Variants in TTN observed in about 807,000 individuals in gnomAD.
TTN encodes titin.
In TTN, 1,525 loss-of-function variants were observed where a neutral mutation model predicts 3,223.0. That is an observed-to-expected ratio of 0.47 (90% CI 0.45 to 0.49). The LOEUF is 0.49. Ranked by LOEUF, TTN falls within the 20% of genes least tolerant of loss-of-function variation. The pLI, the probability that TTN is intolerant of heterozygous loss-of-function variation, is 0.00. For synonymous variants in TTN, 14,094 were observed against 15,161.0 expected (o/e 0.93, Z 5.17); for missense variants, 40,786 against 43,424.0 (o/e 0.94, Z 5.40).
At chr2:178,646,351 G>A (rs1344799763) in intron 216 of TTN, 134 bp downstream of exon 216, 2 of 532,560 alleles carry the variant, frequency 3.8e-6, no homozygotes, top group Non-Finnish European at 6.3e-6. Context: ...TAAGAATGAG[G>A]CTCACATTTA....
intron 18 of TTN, 89 bp from the exon 19 acceptor site, chr2:178,782,691 C>T (rs1464964264): frequency 3.1e-6 from 5 of 1,604,034 alleles, no homozygotes; most frequent in Admixed American, 1.7e-5. Context: ...ATAATCTCCC[C>T]CCAAGTTCCA....
At chr2:178,699,260 AAT>A (rs1271323601) in intron 111 of TTN, among the ~76,000 whole-genome samples, 1 of 152,056 alleles carries the variant, frequency 6.6e-6, no homozygotes, top group Non-Finnish European at 1.5e-5. Flanking sequence ...GACGAACACA[AAT>A]ATGTTAGGAG....
intron 16 of TTN, 59 bp from the exon 17 acceptor site, chr2:178,783,844 C>T (rs934904555): frequency 7.1e-5 from 99 of 1,394,550 alleles, no homozygotes; most frequent in Non-Finnish European, 9.6e-5. Context: ...ATCTCATAAA[C>T]TCTTAGCTCA....
rs531598218 is a variant in TTN, at chr2:178,701,556, G to T, written c.30570C>A (p.Thr10190=). 3 of 1,613,682 alleles carry T rather than the reference G, an allele frequency of 1.9e-6. No individual in the cohort carries two copies. The highest frequency in any genetic ancestry group is 4.5e-5 in the East Asian group (2 of 44,854). Residue 10190 remains threonine, a synonymous_variant, in exon 110 of 363, where the codon ACC becomes ACA. Coordinates refer to ENST00000589042, the MANE Select transcript of TTN (RefSeq NM_001267550.2). ...DIPDSRVPIP[T]MPIRAVPPEE... ...CTGGTGGCACTGCTCTGATAGGCAT[G>T]GTTGGGATTGGAACTCTGGAGTCAG...
chr2:178,756,626 G>A lies in TTN; in HGVS notation c.10850C>T (p.Ser3617Phe), dbSNP rs57389274. The A allele has an allele frequency of 3.1e-3, 5,013 of 1,613,678 alleles. 146 individuals are homozygous for A. The African/African-American group carries it at 0.06, about 19-fold the overall frequency. Reference protein sequence around the residue: ...EYEVQVFESVSQSSIHTAASV... With the variant: ...EYEVQVFESVFQSSIHTAASV... The stretch of plus-strand genomic sequence containing the variant: ...TGCAGCTGTGTGGATGGAACTTTGA[G>A]ATACACTTTCAAAAACCTGCACTTC... The change falls in exon 46 of 363, where the codon TCT becomes TTT. Residue 3617 changes from serine (S) to phenylalanine (F), a missense_variant. Transcript: ENST00000589042.
rs776163304 is a variant in TTN at position 178,682,715 on chromosome 2, G to T, written c.33076C>A (p.His11026Asn). The change falls in exon 135 of 363, where the codon CAT (histidine) becomes AAT (asparagine). Residue 11026 changes from histidine to asparagine, a missense_variant. Transcript: ENST00000589042. ...EEREYERYEEHEEYITEPEKP... is the reference protein window; with the variant it reads ...EEREYERYEENEEYITEPEKP... ...CTCATACCTGTGATGTATTCTTCAT[G>T]CTCTTCATATCGTTCATACTCCCGC... The T allele has an allele frequency of 3.2e-5, 51 of 1,611,722 alleles. No individual in the cohort carries two copies. The highest frequency in any genetic ancestry group is 4.2e-5 in the Non-Finnish European group (49 of 1,178,878).
At chr2:178,745,682 A>T (rs754391244) in intron 47 of TTN, 1 of 1,611,938 alleles carries the variant, frequency 6.2e-7, no homozygotes. Context: ...TAAGCTTGTT[A>T]TAAACAGGTT....
At position 178,636,777 on chromosome 2, in the gene TTN, T is replaced by C. The variant is rs778416722; in HGVS notation, c.40950A>G (p.Ser13650=). Residue 13650 remains serine (S), a synonymous_variant, in exon 225 of 363, where the codon TCA becomes TCG. Coordinates refer to ENST00000589042, the MANE Select transcript of TTN (RefSeq NM_001267550.2). The surrounding 1 kb of genome is among the most constrained non-coding windows in gnomAD (Gnocchi z 4.3). The part of the protein sequence containing the change: ...PIKGVPKKTP[S]PIEAERRKLR... The stretch of plus-strand genomic sequence containing the variant: ...ACTTTCTCCTTTCGGCTTCTATTGG[T>C]GAAGGAGTCTTTTTGGGTACACCTA... 2.2e-5 allele frequency: 36 copies of C among 1,600,034 alleles called. 1 individual carries two copies. In the South Asian group the frequency reaches 4.0e-4, roughly 18 times the overall value.
chr2:178,672,596 A>G, intron 153 of TTN, 39 bp downstream of exon 153: 1 of 1,609,818 alleles, frequency 6.2e-7, no homozygotes, highest in Non-Finnish European at 8.5e-7. Flanking sequence ...TAACGAAAAA[A>G]GACAGAAGAG....
Position 178,575,325 on chromosome 2 carries a change from A to G in TTN, c.70807T>C (p.Phe23603Leu). Reference sequence around the variant, plus strand: ...GCGCTGTTCACTGCCATCACTTGGAAGGTATATTCCTCTCCTTCAGTTAGA... The same window carrying G: ...GCGCTGTTCACTGCCATCACTTGGAGGGTATATTCCTCTCCTTCAGTTAGA... ...RNLTEGEEYT[F>L]QVMAVNSAGR... Residue 23603 changes from phenylalanine (F) to leucine (L), a missense_variant, in exon 326 of 363, where the codon TTC (phenylalanine) becomes CTC (leucine). Physicochemically the swap from Phe to Leu is conservative, Grantham distance 22. Transcript: ENST00000589042. This position sits in a 1 kb window ranked among gnomAD's most constrained non-coding sequence, Gnocchi z 4.0. 1 of 1,613,498 alleles carries G rather than the reference A, an allele frequency of 6.2e-7. No homozygotes were observed. Among genetic ancestry groups the G allele is most frequent in the South Asian group, 1.1e-5 (1 of 91,074 alleles).
chr2:178,605,674 C>G lies in TTN; in HGVS notation c.53621G>C (p.Arg17874Thr). 1 of 1,602,158 alleles carries G rather than the reference C, an allele frequency of 6.2e-7. No individual in the cohort carries two copies. Among genetic ancestry groups the G allele is most frequent in the South Asian group, 1.1e-5 (1 of 89,404 alleles). Residue 17874 changes from arginine (R) to threonine (T), a missense_variant, in exon 279 of 363, where the codon AGG becomes ACG. Coordinates refer to ENST00000589042, the MANE Select transcript of TTN (RefSeq NM_001267550.2). ...GTCAAGTGTGATAGTGGACTTTGTC[C>G]TTTCAGTGTATGTGAGCCTCTCTGG... ...TSPERLTYTE[R>T]TKSTITLDWK...
intron 281 of TTN, 134 bp from the exon 282 acceptor site, chr2:178,604,439 A>C (rs1234964632): frequency 3.7e-6 from 3 of 816,280 alleles, no homozygotes; most frequent in Non-Finnish European, 5.2e-6. Flanking sequence ...ACATGGGAAG[A>C]CAGAGAAAAG....
intron 213 of TTN, among the ~76,000 whole-genome samples, chr2:178,647,736 T>A (rs2062242974): frequency 6.6e-6 from 1 of 152,180 alleles, no homozygotes; most frequent in African/African-American, 2.4e-5. Flanking sequence ...GAGTAATTGT[T>A]CCTGCACACT....
intron 311 of TTN, 88 bp downstream of exon 311, chr2:178,584,188 C>T (rs2048409379): frequency 7.0e-7 from 1 of 1,432,084 alleles, no homozygotes; most frequent in Non-Finnish European, 9.4e-7. Context: ...CTCTCTGTGT[C>T]TTGGAGTCCA....
In TTN at chr2:178,558,552, A is replaced by G. The variant is rs139403831; in HGVS notation, c.86907T>C (p.Asp28969=). ...CATAGTGTACAATTCTGCTTCCGCC[A>G]TCATGTTCAGGCTTCAGCCAGGTCA... ...VSLTWLKPEH[D]GGSRIVHYVV... Residue 28969 remains aspartate, a synonymous_variant, in exon 327 of 363, where the codon GAT becomes GAC. Transcript: ENST00000589042. 3.1e-6 allele frequency: 5 copies of G among 1,613,774 alleles called. No individual in the cohort carries two copies. The African/African-American group carries it at 4.0e-5, about 13-fold the overall frequency.
rs911702428 is a variant in TTN at position 178,783,770 on chromosome 2, T to C, written c.2791A>G (p.Arg931Gly). ...GREAKVTETARVPAPVEIPVT... is the reference protein window; with the variant it reads ...GREAKVTETAGVPAPVEIPVT... ...GGAATTTCAACAGGTGCTGGTACTCTTGCTGTTTCTGTTACCTAGATTTTT... is the reference window on the plus strand; with the variant it reads ...GGAATTTCAACAGGTGCTGGTACTCCTGCTGTTTCTGTTACCTAGATTTTT... Residue 931 changes from arginine to glycine, a missense_variant, in exon 17 of 363, where the codon AGA (arginine) becomes GGA (glycine). By Grantham distance (125) the Arg-to-Gly change is moderately radical. Coordinates refer to ENST00000589042, the MANE Select transcript of TTN (RefSeq NM_001267550.2). 6.2e-7 allele frequency: 1 copy of C among 1,613,522 alleles called. No individual in the cohort carries two copies. Among genetic ancestry groups the C allele is most frequent in the Admixed American group, 1.7e-5 (1 of 59,988 alleles).
Position 178,740,070 on chromosome 2 carries a change from G to A in TTN, c.13163C>T (p.Pro4388Leu). ...LSKESLLSGI[P>L]EEQRLNLKIQ... Reference sequence around the variant, plus strand: ...TTTCAGGTTTAATCTCTGCTCTTCTGGAATACCAGAAAGCAAGCTTTCCTT... The same window carrying A: ...TTTCAGGTTTAATCTCTGCTCTTCTAGAATACCAGAAAGCAAGCTTTCCTT... Residue 4388 changes from proline (P) to leucine (L), a missense_variant, in exon 48 of 363, where the codon CCA (proline) becomes CTA (leucine). Transcript: ENST00000589042. The A allele has an allele frequency of 6.2e-7, 1 of 1,613,794 alleles. No homozygotes were observed. Among genetic ancestry groups the A allele is most frequent in the African/African-American group, 1.3e-5 (1 of 75,028 alleles).
At chr2:178,799,347 A>T in intron 6 of TTN, 140 bp downstream of exon 6, 1 of 1,318,376 alleles carries the variant, frequency 7.6e-7, no homozygotes, top group Non-Finnish European at 1.1e-6. Context: ...ATGCTCCCCT[A>T]GAGGTTTGAG....
chr2:178,729,595 T>C, intron 63 of TTN, 29 bp from the exon 64 acceptor site: 1 of 1,612,502 alleles, frequency 6.2e-7, no homozygotes, highest in Non-Finnish European at 8.5e-7. Flanking sequence ...GACAGTAGCT[T>C]ACTCAAGGGA....
Sources: allele counts gnomAD v4.1 joint callset (sites outside exome capture counted in the v4.1 genomes callset), GRCh38; gene constraint gnomAD v4.1.1; non-coding constraint Gnocchi (gnomAD v3.1); transcripts MANE v1.5; gene names NCBI Gene and HGNC (gene_info 2026-07-23, HGNC 2026-07-21).